KCNIP4: variants seen among roughly 807,000 people sequenced by gnomAD.
KCNIP4 encodes Kv channel-interacting protein 4.
KCNIP4 carries 12 observed loss-of-function variants against 34.0 expected under a neutral mutation model. That is an observed-to-expected ratio of 0.35 (90% CI 0.23 to 0.57). KCNIP4 has a LOEUF of 0.57. Ranked by LOEUF, KCNIP4 falls within the 20% of genes least tolerant of loss-of-function variation. The pLI is 0.83. For missense variants in KCNIP4, 238 were observed against 311.7 expected (o/e 0.76, Z 1.78); for synonymous variants, 124 against 102.2 (o/e 1.21, Z -1.29).
intron 1 of KCNIP4, among the ~76,000 whole-genome samples, chr4:21,000,437 C>A (rs1039404734): frequency 2.0e-5 from 3 of 151,890 alleles, no homozygotes; most frequent in Non-Finnish European, 4.4e-5. Context: ...GTAATCCCAA[C>A]ATTTTGGGAG....
At chr4:21,390,389 T>C (rs1443273459) in intron 1 of KCNIP4, among the ~76,000 whole-genome samples, 11 of 152,272 alleles carry the variant, frequency 7.2e-5, no homozygotes, top group African/African-American at 2.6e-4. Flanking sequence ...TGCCTATGTC[T>C]TCAATGGTAT....
intron 1 of KCNIP4, among the ~76,000 whole-genome samples, chr4:21,720,967 A>G (rs1714786295): frequency 6.6e-6 from 1 of 152,070 alleles, no homozygotes; most frequent in Non-Finnish European, 1.5e-5. Context: ...GAATAGTGCC[A>G]CAGTAAACAT....
chr4:20,772,935 C>T (rs1014652511), intron 3 of KCNIP4, among the ~76,000 whole-genome samples: 2 of 150,404 alleles, frequency 1.3e-5, no homozygotes, highest in African/African-American at 2.4e-5. Flanking sequence ...CACCCGGCCC[C>T]TTTCCCTTTC....
chr4:21,808,313 T>C (rs1721423156), intron 1 of KCNIP4, among the ~76,000 whole-genome samples: 1 of 152,118 alleles, frequency 6.6e-6, no homozygotes, highest in African/African-American at 2.4e-5. Flanking sequence ...ACACCTTAGA[T>C]AGGAAGACCA....
intron 1 of KCNIP4, among the ~76,000 whole-genome samples, chr4:20,921,094 T>A (rs971971073): frequency 6.6e-6 from 1 of 152,162 alleles, no homozygotes; most frequent in African/African-American, 2.4e-5. Flanking sequence ...GGGTTGTTTC[T>A]ACAGTCCAGT....
intron 1 of KCNIP4, among the ~76,000 whole-genome samples, chr4:21,918,351 C>T (rs747336819): frequency 6.6e-6 from 1 of 152,110 alleles, no homozygotes; most frequent in Non-Finnish European, 1.5e-5. Flanking sequence ...TATAGGAAAA[C>T]TGGAGCTCAA....
chr4:21,147,753 A>G (rs1014842877), intron 1 of KCNIP4, among the ~76,000 whole-genome samples: 2 of 151,848 alleles, frequency 1.3e-5, no homozygotes, highest in African/African-American at 2.4e-5. Flanking sequence ...AGCCTGACCA[A>G]CATGGTGAAA....
chr4:21,553,144 G>T (rs557561939), intron 1 of KCNIP4, among the ~76,000 whole-genome samples: 4 of 106,540 alleles, frequency 3.8e-5, no homozygotes, highest in South Asian at 3.3e-4. Context: ...AGCTTAAAGG[G>T]GGGGGTCATA....
intron 1 of KCNIP4, among the ~76,000 whole-genome samples, chr4:21,166,973 T>C (rs1370885418): frequency 8.5e-6 from 1 of 117,734 alleles, no homozygotes; most frequent in Non-Finnish European, 1.7e-5. Flanking sequence ...AAGAAGTGAG[T>C]GGATGGATGG....
chr4:21,823,079 A>G (rs1266644806), intron 1 of KCNIP4, among the ~76,000 whole-genome samples: 5 of 152,180 alleles, frequency 3.3e-5, no homozygotes, highest in Non-Finnish European at 7.4e-5. Flanking sequence ...GATTATAATT[A>G]TAATTATTTA....
At chr4:21,903,642 A>G (rs967106920) in intron 1 of KCNIP4, among the ~76,000 whole-genome samples, 1 of 152,166 alleles carries the variant, frequency 6.6e-6, no homozygotes, top group Non-Finnish European at 1.5e-5. Context: ...TTTTTAATAT[A>G]GAGTAAATTA....
At chr4:20,900,195 C>T (rs1727016165) in intron 1 of KCNIP4, among the ~76,000 whole-genome samples, 2 of 151,636 alleles carry the variant, frequency 1.3e-5, no homozygotes, top group African/African-American at 4.8e-5. Flanking sequence ...ATATAGGGCT[C>T]CTTAGGAAAC....
intron 1 of KCNIP4, among the ~76,000 whole-genome samples, chr4:21,216,350 A>AT (rs1757576398): frequency 6.6e-6 from 1 of 152,192 alleles, no homozygotes; most frequent in South Asian, 2.1e-4. Flanking sequence ...ACTATATGTA[A>AT]TTTTTAAAAC....
intron 1 of KCNIP4, among the ~76,000 whole-genome samples, chr4:21,129,788 C>T (rs28396677): frequency 0.053 from 8,046 of 151,862 alleles, 641 homozygotes; most frequent in African/African-American, 0.18. Context: ...GGAGTGGATT[C>T]GCTAAGTTTG....
At chr4:21,020,734 A>G (rs1455007870) in intron 1 of KCNIP4, among the ~76,000 whole-genome samples, 1 of 152,200 alleles carries the variant, frequency 6.6e-6, no homozygotes, top group African/African-American at 2.4e-5. Flanking sequence ...TGGAACTATT[A>G]TCATGATTCA....
intron 1 of KCNIP4, among the ~76,000 whole-genome samples, chr4:20,923,160 T>A (rs1729571665): frequency 6.6e-6 from 1 of 152,196 alleles, no homozygotes; most frequent in Non-Finnish European, 1.5e-5. Flanking sequence ...GAAATCCTGC[T>A]GAGTTTGCTA....
At chr4:20,886,955 G>C (rs2149530852) in intron 1 of KCNIP4, among the ~76,000 whole-genome samples, 1 of 152,164 alleles carries the variant, frequency 6.6e-6, no homozygotes, top group East Asian at 1.9e-4. Flanking sequence ...CAAGAAAAAA[G>C]AGAAGTCAAT....
In KCNIP4 at chr4:21,625,768, T is replaced by C. The variant is rs139007463; in HGVS notation, c.61+322803A>G. ...AATGACTAAATGCTAGAGGAAATAA[T>C]GGGAATAGTCAATACCTGTAACTGA... is the stretch of plus-strand genomic sequence containing the variant. On this transcript the variant is annotated intron_variant, in intron 1 of 8. Coordinates refer to ENST00000382152, the MANE Select transcript of KCNIP4 (RefSeq NM_025221.6). 1.8e-4 allele frequency among the ~76,000 whole-genome samples: 27 copies of C among 152,266 alleles called. No individual in the cohort carries two copies. In the East Asian group the frequency reaches 5.0e-3, roughly 28 times the overall value.
intron 1 of KCNIP4, among the ~76,000 whole-genome samples, chr4:21,388,008 C>T (rs182773423): frequency 1.5e-4 from 22 of 150,712 alleles, no homozygotes; most frequent in East Asian, 9.7e-4. Context: ...TTCTCTGGGA[C>T]GGGATGAAAG....
Sources: gnomAD v4.1 joint callset for allele counts (sites outside exome capture counted in the v4.1 genomes callset) on GRCh38, gnomAD v4.1.1 for gene constraint, MANE v1.5 for transcripts, NCBI Gene and HGNC (gene_info 2026-07-23, HGNC 2026-07-21) for gene names.